The following ELOVL6 variants were observed in gnomAD, a reference collection of about 807,000 sequenced individuals.
ELOVL6 encodes very long chain fatty acid elongase 6.
In ELOVL6, 8 loss-of-function variants were observed where a neutral mutation model predicts 31.7. That is an observed-to-expected ratio of 0.25 (90% CI 0.15 to 0.45). The LOEUF (loss-of-function observed/expected upper bound fraction) is 0.45, where lower values mean the gene tolerates loss of function less well. ELOVL6 is among the 20% of genes least tolerant of loss of function. ELOVL6 has a pLI of 1.00. For synonymous variants in ELOVL6, 101 were observed against 117.7 expected (o/e 0.86, Z 0.92); for missense variants, 126 against 326.4 (o/e 0.39, Z 4.73).
chr4:110,078,624 A>G (rs1256907769), intron 2 of ELOVL6, among the ~76,000 whole-genome samples: 1 of 152,242 alleles, frequency 6.6e-6, no homozygotes, highest in African/African-American at 2.4e-5. Flanking sequence ...AGTACCAGCC[A>G]CTGCAAAAAC....
intron 1 of ELOVL6, among the ~76,000 whole-genome samples, chr4:110,191,133 T>TA (rs1759606780): frequency 6.6e-6 from 1 of 152,104 alleles, no homozygotes; most frequent in Non-Finnish European, 1.5e-5. Flanking sequence ...CAATACTTTT[T>TA]AAAAAAGGAC....
intron 1 of ELOVL6, among the ~76,000 whole-genome samples, chr4:110,145,804 C>A (rs1185156569): frequency 6.6e-6 from 1 of 151,982 alleles, no homozygotes; most frequent in Non-Finnish European, 1.5e-5. Context: ...AAACAAAAGG[C>A]TTGGCAAATG....
intron 1 of ELOVL6, among the ~76,000 whole-genome samples, chr4:110,146,174 C>A (rs1344760823): frequency 6.6e-6 from 1 of 152,084 alleles, no homozygotes; most frequent in Non-Finnish European, 1.5e-5. Context: ...GAATAGAGAA[C>A]CCAGAAAGCC....
chr4:110,102,157 T>A (rs1271609022), intron 2 of ELOVL6, among the ~76,000 whole-genome samples: 1 of 152,194 alleles, frequency 6.6e-6, no homozygotes, highest in Non-Finnish European at 1.5e-5. Flanking sequence ...CTTAAAAAAA[T>A]TAAGATCCAC....
chr4:110,186,320 C>T (rs775978089), intron 1 of ELOVL6, among the ~76,000 whole-genome samples: 1 of 152,158 alleles, frequency 6.6e-6, no homozygotes. Context: ...TCTCTACAGT[C>T]AAGAAAACTT....
Position 110,082,635 on chromosome 4 carries a change from C to T in ELOVL6, c.221+22862G>A, listed in dbSNP as rs143484012. Among the ~76,000 whole-genome samples, 556 of 152,072 alleles carry T rather than the reference C, an allele frequency of 3.7e-3. 2 individuals are homozygous for T. Among genetic ancestry groups the T allele is most frequent in the African/African-American group, 0.013 (539 of 41,424 alleles). ...AGGAGGGGTAGCATTAGGAGATATA[C>T]CTAATGTTAAATGATGAGTTAATGG... On this transcript the variant is annotated intron_variant, in intron 2 of 3. Transcript: ENST00000302274.
At chr4:110,094,408 T>A (rs1312628478) in intron 2 of ELOVL6, among the ~76,000 whole-genome samples, 2 of 39,496 alleles carry the variant, frequency 5.1e-5, no homozygotes, top group African/African-American at 2.8e-4. Context: ...AAAAGAAATA[T>A]ATATATATAT....
Position 110,198,370 on chromosome 4 carries a change from A to G in ELOVL6, c.-35T>C. On this transcript the variant is annotated 5_prime_UTR_variant, in exon 1 of 4. Transcript: ENST00000302274. ...TCTTCGGAGTCGCTACGTGTTCTCT[A>G]TACAAAATAAAATAATCTGTAAAGC... The G allele has an allele frequency of 7.8e-7, 1 of 1,275,288 alleles. No individual in the cohort carries two copies. 79.0% of individuals were successfully genotyped at this position (1,275,288 alleles called of 1,614,324 possible). A position where few individuals can be genotyped will look rare whatever the true frequency, so the allele number is the denominator to read the frequency against.
chr4:110,152,960 T>C (rs542741262), intron 1 of ELOVL6, among the ~76,000 whole-genome samples: 1 of 152,208 alleles, frequency 6.6e-6, no homozygotes, highest in Non-Finnish European at 1.5e-5. Context: ...GCCAAACCTA[T>C]GTGACCCCTC....
chr4:110,183,081 C>A (rs1759337582), intron 1 of ELOVL6, among the ~76,000 whole-genome samples: 1 of 152,032 alleles, frequency 6.6e-6, no homozygotes, highest in Non-Finnish European at 1.5e-5. Flanking sequence ...AGAAGGAAAT[C>A]AAAATATTTT....
At chr4:110,186,545 G>A (rs917851116) in intron 1 of ELOVL6, among the ~76,000 whole-genome samples, 2 of 151,800 alleles carry the variant, frequency 1.3e-5, no homozygotes, top group African/African-American at 4.8e-5. Flanking sequence ...GGGTTCAGGT[G>A]CAATGGCTCT....
At chr4:110,165,731 T>G (rs1373041051) in intron 1 of ELOVL6, among the ~76,000 whole-genome samples, 2 of 152,228 alleles carry the variant, frequency 1.3e-5, no homozygotes, top group African/African-American at 4.8e-5. Context: ...TTATGATGCA[T>G]TCCTGTCAGA....
intron 2 of ELOVL6, among the ~76,000 whole-genome samples, chr4:110,083,899 A>G (rs2126233121): frequency 7.5e-6 from 1 of 132,704 alleles, no homozygotes; most frequent in Non-Finnish European, 1.6e-5. Context: ...TAGATAATAT[A>G]TATATACACA....
chr4:110,099,689 A>AT (rs1203965362), intron 2 of ELOVL6, among the ~76,000 whole-genome samples: 9 of 152,226 alleles, frequency 5.9e-5, no homozygotes, highest in Admixed American at 5.9e-4. Flanking sequence ...GGAACTCCTT[A>AT]TGCTGCTGAT....
At chr4:110,198,146 C>A in intron 1 of ELOVL6, 101 bp downstream of exon 1, 1 of 667,858 alleles carries the variant, frequency 1.5e-6, no homozygotes, top group Non-Finnish European at 2.7e-6. Context: ...GCCCGCGATT[C>A]ATCGCTCCAT....
At chr4:110,117,611 A>C (rs1162910839) in intron 1 of ELOVL6, 4 of 151,838 alleles carry the variant, frequency 2.6e-5, no homozygotes, top group Non-Finnish European at 5.9e-5. Flanking sequence ...CATCTGCTTC[A>C]GTGCCTCTCC....
At chr4:110,110,401 A>ATTTTTTTTTTTTTTTTTTTTTTTTTTT (rs397878146) in intron 1 of ELOVL6, among the ~76,000 whole-genome samples, 2 of 109,784 alleles carry the variant, frequency 1.8e-5, no homozygotes, top group Non-Finnish European at 3.5e-5. Flanking sequence ...TTTTCCGCAG[A>ATTTTTTTTTTTTTTTTTTTTTTTTTTT]TTTTTTTTTT....
intron 1 of ELOVL6, among the ~76,000 whole-genome samples, chr4:110,170,323 G>A (rs1758907131): frequency 6.6e-6 from 1 of 152,174 alleles, no homozygotes; most frequent in Non-Finnish European, 1.5e-5. Flanking sequence ...ATAAAGGCTT[G>A]AACTTTGCAT....
chr4:110,090,411 A>C (rs1756384229), intron 2 of ELOVL6, among the ~76,000 whole-genome samples: 1 of 152,128 alleles, frequency 6.6e-6, no homozygotes, highest in Non-Finnish European at 1.5e-5. Flanking sequence ...CATAACCCTT[A>C]AAAGATGCAA....
Sources: allele counts gnomAD v4.1 joint callset (sites outside exome capture counted in the v4.1 genomes callset), GRCh38; gene constraint gnomAD v4.1.1; transcripts MANE v1.5; gene names NCBI Gene and HGNC (gene_info 2026-07-23, HGNC 2026-07-21).